Variants in FRMD6 observed in about 807,000 individuals in gnomAD.
FRMD6 encodes FERM domain containing 6, also known as FERM domain-containing protein 6.
FRMD6 carries 37 observed loss-of-function variants against 73.2 expected under a neutral mutation model. That is an observed-to-expected ratio of 0.51 (90% CI 0.39 to 0.66). FRMD6 has a LOEUF of 0.66. FRMD6 is among the 30% of genes least tolerant of loss of function. FRMD6 has a pLI of 0.00. For synonymous variants in FRMD6, 273 were observed against 282.2 expected (o/e 0.97, Z 0.33); for missense variants, 714 against 780.5 (o/e 0.91, Z 1.02).
rs527591700 is a variant in FRMD6, at chr14:51,600,022, T to G, written c.-147+29612T>G. Reference sequence around the variant, plus strand: ...CTGACTACTCCCACCCAAAAAGAGTTGTTGGAAGACTTGAAATCACAGATC... The same window carrying G: ...CTGACTACTCCCACCCAAAAAGAGTGGTTGGAAGACTTGAAATCACAGATC... On this transcript the variant is annotated intron_variant, in intron 2 of 14. Coordinates refer to the FRMD6 transcript ENST00000356218. 3.3e-5 allele frequency: 5 copies of G among 151,638 alleles called. No homozygotes were observed. The East Asian group carries it at 9.7e-4, about 29-fold the overall frequency. 9.4% of individuals were successfully genotyped at this position (151,638 alleles called of 1,614,324 possible).
At chr14:51,711,696 A>C (rs1351437358) in intron 8 of FRMD6, 100 bp downstream of exon 8, 1 of 805,336 alleles carries the variant, frequency 1.2e-6, no homozygotes, top group Non-Finnish European at 2.1e-6. Flanking sequence ...ATTTTTGGCC[A>C]CTGGCTGGTC....
rs370712236 is a variant in FRMD6 at position 51,664,805 on chromosome 14, T to G, written c.-147+12809T>G. ...TTTATTCGCATCATTTTGAATGTTTTTTTCAGCTGAAACTTGTAAGTTACT... is the reference window on the plus strand; with the variant it reads ...TTTATTCGCATCATTTTGAATGTTTGTTTCAGCTGAAACTTGTAAGTTACT... On this transcript the variant is annotated intron_variant, in intron 1 of 13. Coordinates refer to ENST00000344768, the MANE Select transcript of FRMD6 (RefSeq NM_001267046.2). Among the ~76,000 whole-genome samples the G allele has an allele frequency of 1.6e-4, 24 of 152,338 alleles. No homozygotes were observed. In the South Asian group the frequency reaches 4.3e-3, roughly 28 times the overall value.
intron 1 of FRMD6, among the ~76,000 whole-genome samples, chr14:51,559,800 C>G (rs1165973734): frequency 5.3e-5 from 8 of 152,136 alleles, no homozygotes; most frequent in Non-Finnish European, 1.2e-4. Flanking sequence ...ATCCCCTTCC[C>G]TGAGCCTGCA....
In FRMD6 at chr14:51,709,848, A is replaced by G. The variant is rs553373087; in HGVS notation, c.714+1615A>G. ...GAATCAGATGTCAATTAGAAACCCT[A>G]TGTCACTACTCGCTATAGCTGGGAT... On this transcript the variant is annotated intron_variant, in intron 7 of 13. Transcript: ENST00000344768. Among the ~76,000 whole-genome samples the G allele has an allele frequency of 1.1e-4, 17 of 152,216 alleles. No homozygotes were observed. In the East Asian group the frequency reaches 3.3e-3, roughly 29 times the overall value.
the FRMD6 span, among the ~76,000 whole-genome samples, chr14:51,397,743 T>A: frequency 6.6e-6 from 1 of 152,226 alleles, no homozygotes; most frequent in African/African-American, 2.4e-5. Context: ...ACACCTCACC[T>A]CGTGTGATGA....
intron 1 of FRMD6, among the ~76,000 whole-genome samples, chr14:51,558,372 G>T (rs1251044378): frequency 2.0e-5 from 3 of 151,912 alleles, no homozygotes; most frequent in Admixed American, 6.6e-5. Context: ...GGAGGCTGAG[G>T]CAGGAGAATC....
chr14:51,726,948 A>G (rs775046219), intron 13 of FRMD6, among the ~76,000 whole-genome samples: 1 of 152,240 alleles, frequency 6.6e-6, no homozygotes, highest in Non-Finnish European at 1.5e-5. Context: ...GTTTCCTTAA[A>G]TAACCCATTG....
At chr14:51,586,154 TC>T (rs1889038863) in intron 2 of FRMD6, among the ~76,000 whole-genome samples, 1 of 151,612 alleles carries the variant, frequency 6.6e-6, no homozygotes, top group South Asian at 2.1e-4. Flanking sequence ...TTGAGAAATC[TC>T]CATACTGTTT....
In FRMD6 at chr14:51,509,207, C is replaced by A. The variant is rs1238280458; in HGVS notation, c.-210+19787C>A. Among the ~76,000 whole-genome samples the A allele has an allele frequency of 2.0e-5, 3 of 152,192 alleles. No homozygotes were observed. In the East Asian group the frequency reaches 5.8e-4, roughly 29 times the overall value. ...TACATTTCTTCTTCATCAGACTTGGCTCTAAATGACAAATCCTAAATGAAA... is the reference window on the plus strand; with the variant it reads ...TACATTTCTTCTTCATCAGACTTGGATCTAAATGACAAATCCTAAATGAAA... On this transcript the variant is annotated intron_variant, in intron 1 of 14. Coordinates refer to the FRMD6 transcript ENST00000356218.
rs555341551 is a variant in FRMD6 at position 51,547,120 on chromosome 14, C to T, written c.-209-23228C>T. Among the ~76,000 whole-genome samples, 46 of 151,976 alleles carry T rather than the reference C, an allele frequency of 3.0e-4. No homozygotes were observed. In the Middle Eastern group the frequency reaches 0.01, roughly 34 times the overall value. On this transcript the variant is annotated intron_variant, in intron 1 of 14. Transcript: ENST00000356218. ...TCTGTAATGGACACAAACCTGTTGG[C>T]ATTTAAAAATTCCACAGTGTTTTGC...
intron 2 of FRMD6, among the ~76,000 whole-genome samples, chr14:51,623,220 A>G (rs1211648367): frequency 6.6e-6 from 1 of 152,250 alleles, no homozygotes; most frequent in Non-Finnish European, 1.5e-5. Context: ...TGTTAAAACA[A>G]AACAAAATAA....
chr14:51,450,727 G>C, the FRMD6 span, among the ~76,000 whole-genome samples: 1 of 152,064 alleles, frequency 6.6e-6, no homozygotes, highest in Non-Finnish European at 1.5e-5. Context: ...CCATCATTTG[G>C]GCCAAACAAA....
chr14:51,506,828 A>T (rs1024681880), intron 1 of FRMD6, among the ~76,000 whole-genome samples: 1 of 152,182 alleles, frequency 6.6e-6, no homozygotes, highest in Non-Finnish European at 1.5e-5. Flanking sequence ...ACCTTAGACT[A>T]TTAAACAGCC....
At chr14:51,440,845 A>C in the FRMD6 span, among the ~76,000 whole-genome samples, 1 of 152,220 alleles carries the variant, frequency 6.6e-6, no homozygotes, top group Non-Finnish European at 1.5e-5. Context: ...GCTATTTATT[A>C]GTCCCATTCT....
At chr14:51,467,619 C>A in the FRMD6 span, among the ~76,000 whole-genome samples, 2 of 151,778 alleles carry the variant, frequency 1.3e-5, no homozygotes, top group East Asian at 3.9e-4. Flanking sequence ...GACTGGGCGG[C>A]CGGTCAGAGA....
At chr14:51,468,573 C>G in the FRMD6 span, among the ~76,000 whole-genome samples, 11 of 151,990 alleles carry the variant, frequency 7.2e-5, no homozygotes, top group East Asian at 1.9e-3. Flanking sequence ...TTTCCTTTTT[C>G]TTAAAAAATT....
intron 1 of FRMD6, among the ~76,000 whole-genome samples, chr14:51,523,263 C>T (rs1477558635): frequency 1.3e-5 from 2 of 152,058 alleles, no homozygotes; most frequent in African/African-American, 4.8e-5. Context: ...GGGGAAATAG[C>T]TTCTAAGCTC....
intron 1 of FRMD6, among the ~76,000 whole-genome samples, chr14:51,513,566 C>T (rs1884442485): frequency 6.6e-6 from 1 of 152,108 alleles, no homozygotes; most frequent in Non-Finnish European, 1.5e-5. Flanking sequence ...CTCTTATGCT[C>T]CCAGAGAAAA....
intron 2 of FRMD6, among the ~76,000 whole-genome samples, chr14:51,633,930 T>G (rs1891442008): frequency 1.3e-5 from 2 of 152,328 alleles, no homozygotes; most frequent in South Asian, 2.1e-4. Flanking sequence ...TTAATCCATT[T>G]CTTCGGTACT....
Sources: allele counts gnomAD v4.1 joint callset (sites outside exome capture counted in the v4.1 genomes callset), GRCh38; gene constraint gnomAD v4.1.1; transcripts MANE v1.5; gene names NCBI Gene and HGNC (gene_info 2026-07-23, HGNC 2026-07-21).